Variants in ZPLD1 observed in about 807,000 individuals in gnomAD.
The protein encoded by ZPLD1 is zona pellucida-like domain-containing protein 1.
A neutral mutation model predicts 47.2 loss-of-function variants in ZPLD1; 34 were observed. The ratio of observed to expected loss-of-function variants is 0.72; its 90% CI spans 0.55 to 0.96. ZPLD1 has a LOEUF of 0.96. Among genes scored for constraint, ZPLD1 ranks in the 40% least tolerant of loss-of-function variants. The pLI, the probability that ZPLD1 is intolerant of heterozygous loss-of-function variation, is 0.00. For synonymous variants in ZPLD1, 176 were observed against 186.2 expected, an observed-to-expected ratio of 0.95 and a Z score of 0.45; for missense variants, 512 against 505.8, an observed-to-expected ratio of 1.01 and a Z score of -0.12.
intron 10 of ZPLD1, 52 bp downstream of exon 10, chr3:102,470,554 C>G (rs1186137545): frequency 6.2e-6 from 9 of 1,449,844 alleles, no homozygotes; most frequent in Non-Finnish European, 8.7e-6. Flanking sequence ...CAAAATGCCT[C>G]GTTACTTGGC....
chr3:102,460,605 A>G (rs1353837184), intron 6 of ZPLD1, among the ~76,000 whole-genome samples: 2 of 152,002 alleles, frequency 1.3e-5, no homozygotes, highest in East Asian at 3.8e-4. Flanking sequence ...ATAATTATGA[A>G]CATTTTTTAA....
Position 102,461,067 on chromosome 3 carries a change from C to T in ZPLD1, c.583-1214C>T, listed in dbSNP as rs150587171. On this transcript the variant is annotated intron_variant, in intron 6 of 11. Coordinates refer to ENST00000466937, the MANE Select transcript of ZPLD1 (RefSeq NM_001329788.2). ...GGCTTTATTTGGCAATAAAATGTTT[C>T]GTATTAACTTTTTTTCCAAAAATGA... 4.3e-3 allele frequency among the ~76,000 whole-genome samples: 650 copies of T among 151,938 alleles called. 3 individuals are homozygous for T. Among genetic ancestry groups the T allele is most frequent in the Non-Finnish European group, 6.5e-3 (438 of 67,806 alleles).
intron 3 of ZPLD1, among the ~76,000 whole-genome samples, chr3:102,439,798 T>TA (rs1308849367): frequency 2.0e-5 from 3 of 152,242 alleles, no homozygotes; most frequent in Non-Finnish European, 4.4e-5. Context: ...CCTTTACGTA[T>TA]ACGTCTAATA....
chr3:102,407,242 C>T (rs971763215), intron 7 of ZPLD1, among the ~76,000 whole-genome samples: 2 of 150,600 alleles, frequency 1.3e-5, no homozygotes, highest in African/African-American at 4.9e-5. Context: ...CTTCATTCTT[C>T]CCAACTCTAT....
intron 3 of ZPLD1, among the ~76,000 whole-genome samples, chr3:102,439,975 TTTGTC>T (rs1309928506): frequency 2.0e-5 from 3 of 152,318 alleles, no homozygotes; most frequent in African/African-American, 4.8e-5. Context: ...AGTTTGGTCA[TTTGTC>T]TTGTAGAGTT....
intron 7 of ZPLD1, among the ~76,000 whole-genome samples, chr3:102,395,913 TCTGA>T (rs1217603780): frequency 2.6e-5 from 4 of 152,188 alleles, no homozygotes; most frequent in African/African-American, 9.6e-5. Context: ...TAATGATTCT[TCTGA>T]CTTTCTTCAG....
chr3:102,435,134 T>C lies in ZPLD1; in HGVS notation c.-143T>C, dbSNP rs1382176714. The C allele has an allele frequency of 2.5e-6, 4 of 1,614,168 alleles. No individual in the cohort carries two copies. Among genetic ancestry groups the C allele is most frequent in the East Asian group, 4.5e-5 (2 of 44,882 alleles). ...GGCAAGATGATGCTCAGGTTTTCCA[T>C]GTGCAGGGGAAATGATGAAGGTAAG... On this transcript the variant is annotated 5_prime_UTR_variant, in exon 1 of 12. It removes an upstream start codon present in the reference 5' UTR. Transcript: ENST00000466937.
intron 7 of ZPLD1, among the ~76,000 whole-genome samples, chr3:102,405,739 T>C (rs1706674059): frequency 6.6e-6 from 1 of 152,040 alleles, no homozygotes; most frequent in African/African-American, 2.4e-5. Flanking sequence ...TCTGAATCAT[T>C]GGTAAAAGAA....
intron 7 of ZPLD1, among the ~76,000 whole-genome samples, chr3:102,409,101 T>A (rs1706723104): frequency 6.6e-6 from 1 of 151,838 alleles, no homozygotes; most frequent in African/African-American, 2.4e-5. Flanking sequence ...CTTATCATTC[T>A]GGAGGCTGGA....
In ZPLD1 at chr3:102,389,304, A is replaced by T. The variant is rs138010815; in HGVS notation, c.-212-2866A>T. 3.9e-5 allele frequency among the ~76,000 whole-genome samples: 6 copies of T among 152,366 alleles called. No individual in the cohort carries two copies. In the East Asian group the frequency reaches 9.6e-4, roughly 24 times the overall value. Reference sequence around the variant, plus strand: ...GATCAACACATATGGTTGACATGTCATCTTGACTCAGGAGTTGTGCTAAGT... The same window carrying T: ...GATCAACACATATGGTTGACATGTCTTCTTGACTCAGGAGTTGTGCTAAGT... On this transcript the variant is annotated intron_variant, in intron 6 of 17. Transcript: ENST00000491959.
chr3:102,461,237 C>T (rs913935216), intron 6 of ZPLD1, among the ~76,000 whole-genome samples: 2 of 151,976 alleles, frequency 1.3e-5, no homozygotes. Flanking sequence ...TTCTGCCAAA[C>T]AGCAATGTCT....
intron 3 of ZPLD1, among the ~76,000 whole-genome samples, chr3:102,442,789 A>T (rs1276899454): frequency 6.6e-6 from 1 of 152,174 alleles, no homozygotes; most frequent in Non-Finnish European, 1.5e-5. Context: ...TTTAATTTCC[A>T]TGGCATTTAT....
chr3:102,471,264 C>T (rs1707681181), intron 10 of ZPLD1, among the ~76,000 whole-genome samples: 1 of 152,170 alleles, frequency 6.6e-6, no homozygotes, highest in Non-Finnish European at 1.5e-5. Context: ...GTCCACAGGG[C>T]TCCTCCCAGA....
chr3:102,464,981 G>A (rs1707569172), intron 8 of ZPLD1, among the ~76,000 whole-genome samples: 2 of 152,130 alleles, frequency 1.3e-5, no homozygotes, highest in African/African-American at 4.8e-5. Flanking sequence ...TAATATAATG[G>A]GAAACCAAAA....
Position 102,462,394 on chromosome 3 carries a change from T to A in ZPLD1, c.680+16T>A. The A allele has an allele frequency of 6.3e-7, 1 of 1,579,186 alleles. No homozygotes were observed. Among genetic ancestry groups the A allele is most frequent in the Non-Finnish European group, 8.7e-7 (1 of 1,154,944 alleles). ...TGGATGGCAGGTAATTTCAAACTCT[T>A]GTCTTTTTTAGGTTAAAACTCTTTG... On this transcript the variant is annotated intron_variant, in intron 7 of 11. Transcript: ENST00000466937.
At chr3:102,431,073 C>T (rs62274734), upstream of ZPLD1, among the ~76,000 whole-genome samples, 19,983 of 152,084 alleles carry the variant, frequency 0.13, 1,390 homozygotes, top group Middle Eastern at 0.18. Flanking sequence ...TTCACTTACT[C>T]CCCCAAAACT....
chr3:102,438,763 T>C (rs543410442), intron 3 of ZPLD1, among the ~76,000 whole-genome samples, 170 bp downstream of exon 3: 4 of 152,148 alleles, frequency 2.6e-5, no homozygotes, highest in African/African-American at 9.7e-5. Flanking sequence ...TTTATATCCA[T>C]ATTAACATAC....
At chr3:102,442,936 T>C (rs1308516278) in intron 3 of ZPLD1, among the ~76,000 whole-genome samples, 1 of 152,154 alleles carries the variant, frequency 6.6e-6, no homozygotes, top group African/African-American at 2.4e-5. Flanking sequence ...ATTACAGTTG[T>C]GATGATTCTA....
chr3:102,450,051 G>A (rs1576154680), intron 3 of ZPLD1, among the ~76,000 whole-genome samples: 1 of 152,110 alleles, frequency 6.6e-6, no homozygotes, highest in Non-Finnish European at 1.5e-5. Context: ...AAGGCAATAC[G>A]ACAGCATAAA....
Sources: allele counts gnomAD v4.1 joint callset (sites outside exome capture counted in the v4.1 genomes callset), GRCh38; gene constraint gnomAD v4.1.1; transcripts MANE v1.5; gene names NCBI Gene and HGNC (gene_info 2026-07-23, HGNC 2026-07-21).